The following ZNF676 variants were observed in gnomAD, a reference collection of about 807,000 sequenced individuals.
The protein encoded by ZNF676 is zinc finger protein 676.
Under a neutral mutation model 6.0 loss-of-function variants are expected in ZNF676, and 4 were observed. The ratio of observed to expected loss-of-function variants is 0.67; its 90% CI spans 0.33 to 1.53. The LOEUF is 1.53. ZNF676 is among the 40% of genes most tolerant of loss of function. The pLI, the probability that ZNF676 is intolerant of heterozygous loss-of-function variation, is 0.06. For synonymous variants in ZNF676, 198 were observed against 223.1 expected, an observed-to-expected ratio of 0.89 and a Z score of 1.00; for missense variants, 644 against 679.7, an observed-to-expected ratio of 0.95 and a Z score of 0.58.
the ZNF676 span, among the ~76,000 whole-genome samples, chr19:22,229,734 A>G: frequency 3.9e-5 from 6 of 152,360 alleles, no homozygotes; most frequent in East Asian, 1.2e-3. Flanking sequence ...TGCAGCCAAC[A>G]AACATATGAA....
At chr19:22,248,255 A>G in the ZNF676 span, among the ~76,000 whole-genome samples, 1 of 152,278 alleles carries the variant, frequency 6.6e-6, no homozygotes, top group Non-Finnish European at 1.5e-5. Flanking sequence ...TCCTTTGGGT[A>G]TATACCCAGT....
chr19:22,210,764 A>G (rs1159506001), intron 1 of ZNF676, among the ~76,000 whole-genome samples: 2 of 152,212 alleles, frequency 1.3e-5, no homozygotes, highest in Non-Finnish European at 2.9e-5. Context: ...AGTGGTCAAC[A>G]TAAAATACTT....
chr19:22,223,848 A>G, the ZNF676 span, among the ~76,000 whole-genome samples: 2 of 151,572 alleles, frequency 1.3e-5, no homozygotes, highest in Non-Finnish European at 2.9e-5. Context: ...TTTTTTTTTA[A>G]TTTAACAAAG....
the ZNF676 span, among the ~76,000 whole-genome samples, chr19:22,248,181 T>G: frequency 6.6e-6 from 1 of 152,220 alleles, no homozygotes; most frequent in Non-Finnish European, 1.5e-5. Flanking sequence ...AAGTCTTTAC[T>G]ATTGTGAGTA....
upstream of ZNF676, among the ~76,000 whole-genome samples, chr19:22,216,338 G>C (rs1308678679): frequency 6.6e-6 from 1 of 152,056 alleles, no homozygotes; most frequent in Non-Finnish European, 1.5e-5. Context: ...AGGAGGCTGA[G>C]GCAGGAGAAT....
chr19:22,193,369 C>T (rs1168294783), intron 1 of ZNF676, among the ~76,000 whole-genome samples: 1 of 152,072 alleles, frequency 6.6e-6, no homozygotes, highest in Non-Finnish European at 1.5e-5. Context: ...TTTCTGCAGG[C>T]AGGTACTCTC....
the ZNF676 span, among the ~76,000 whole-genome samples, chr19:22,222,961 C>G: frequency 6.6e-6 from 1 of 152,134 alleles, no homozygotes; most frequent in Non-Finnish European, 1.5e-5. Flanking sequence ...GAGGGTCTTC[C>G]CAGGTCACTG....
At chr19:22,213,880 C>T (rs2024157530) in intron 1 of ZNF676, among the ~76,000 whole-genome samples, 2 of 152,158 alleles carry the variant, frequency 1.3e-5, no homozygotes, top group African/African-American at 4.8e-5. Context: ...TGAAGGGTGG[C>T]TGAGGACACG....
the ZNF676 span, among the ~76,000 whole-genome samples, chr19:22,238,184 TG>T: frequency 6.6e-6 from 1 of 152,162 alleles, no homozygotes; most frequent in South Asian, 2.1e-4. Context: ...CCTGAGTAGC[TG>T]GGATTACAGG....
the ZNF676 span, among the ~76,000 whole-genome samples, chr19:22,222,423 GT>G: frequency 5.3e-5 from 8 of 151,952 alleles, no homozygotes; most frequent in South Asian, 6.2e-4. Flanking sequence ...TACTGTTTAT[GT>G]TTTTTTTAAT....
upstream of ZNF676, among the ~76,000 whole-genome samples, chr19:22,199,979 A>C (rs745567359): frequency 3.9e-5 from 6 of 152,134 alleles, no homozygotes; most frequent in Non-Finnish European, 5.9e-5. Context: ...GATCTCTTCT[A>C]ATCAGTTCTT....
Position 22,180,283 on chromosome 19 carries a change from T to C in ZNF676, c.1434A>G (p.Lys478=), listed in dbSNP as rs2023715296. ...KRIHAAEKPY[K]CEECGKGFST... is the part of the protein sequence containing the mutation. ...TAAAGCCTTTGCCACATTCTTCACA[T>C]TTGTAAGGTTTCTCTGCAGCATGAA... The change falls in exon 3 of 3, where the codon AAA becomes AAG. Residue 478 remains lysine (K), a synonymous_variant. Coordinates refer to ENST00000397121, the MANE Select transcript of ZNF676 (RefSeq NM_001001411.3). 4 of 1,612,562 alleles carry C rather than the reference T, an allele frequency of 2.5e-6. No homozygotes were observed. Among genetic ancestry groups the C allele is most frequent in the Non-Finnish European group, 3.4e-6 (4 of 1,178,754 alleles).
chr19:22,254,417 C>T, the ZNF676 span, among the ~76,000 whole-genome samples: 6 of 152,224 alleles, frequency 3.9e-5, no homozygotes, highest in East Asian at 3.9e-4. Context: ...TACAAGGCCC[C>T]TCATGGGCAG....
At chr19:22,184,840 A>G (rs2023812431) in intron 2 of ZNF676, among the ~76,000 whole-genome samples, 1 of 150,516 alleles carries the variant, frequency 6.6e-6, no homozygotes, top group Non-Finnish European at 1.5e-5. Flanking sequence ...AAAAAAAAAA[A>G]AAAAAAAAAA....
At chr19:22,220,704 A>T (rs2024240169), upstream of ZNF676, among the ~76,000 whole-genome samples, 2 of 151,712 alleles carry the variant, frequency 1.3e-5, no homozygotes, top group African/African-American at 4.8e-5. Context: ...TGATCCCCCC[A>T]CCTCGTCCTA....
the ZNF676 span, among the ~76,000 whole-genome samples, chr19:22,252,734 C>G: frequency 2.0e-5 from 3 of 152,282 alleles, no homozygotes; most frequent in Non-Finnish European, 4.4e-5. Flanking sequence ...AACACAGGCA[C>G]GAGAGTCACA....
At chr19:22,213,059 AG>A (rs1297064153) in intron 1 of ZNF676, among the ~76,000 whole-genome samples, 1 of 152,160 alleles carries the variant, frequency 6.6e-6, no homozygotes, top group Non-Finnish European at 1.5e-5. Flanking sequence ...AATCGTTTCA[AG>A]GTAGAGATAT....
chr19:22,182,178 C>G (rs994215411), intron 2 of ZNF676, among the ~76,000 whole-genome samples: 1 of 152,010 alleles, frequency 6.6e-6, no homozygotes, highest in Admixed American at 6.6e-5. Flanking sequence ...CATAAATAGT[C>G]TCTTTTAACT....
At chr19:22,248,507 G>C in the ZNF676 span, among the ~76,000 whole-genome samples, 1 of 152,120 alleles carries the variant, frequency 6.6e-6, no homozygotes, top group Non-Finnish European at 1.5e-5. Context: ...AAGAAAGGGG[G>C]AAACTTGAGA....
Sources: gnomAD v4.1 joint callset for allele counts (sites outside exome capture counted in the v4.1 genomes callset) on GRCh38, gnomAD v4.1.1 for gene constraint, MANE v1.5 for transcripts, NCBI Gene and HGNC (gene_info 2026-07-23, HGNC 2026-07-21) for gene names.